The following BNC2 variants were observed in gnomAD, a reference collection of about 807,000 sequenced individuals.
The protein encoded by BNC2 is zinc finger protein basonuclin-2.
A neutral mutation model predicts 76.3 loss-of-function variants in BNC2; 20 were observed. The observed-to-expected ratio is 0.26, with a 90% CI of 0.18 to 0.38. The LOEUF (loss-of-function observed/expected upper bound fraction) is 0.38, where lower values mean the gene tolerates loss of function less well. BNC2 is among the 10% of genes least tolerant of loss of function. BNC2 has a pLI of 1.00. For missense variants in BNC2, 1,382 were observed against 1,399.8 expected, an observed-to-expected ratio of 0.99 and a Z score of 0.20; for synonymous variants, 582 against 514.8, an observed-to-expected ratio of 1.13 and a Z score of -1.77.
intron 6 of BNC2, among the ~76,000 whole-genome samples, chr9:16,422,753 C>T (rs772784862): frequency 1.3e-5 from 2 of 152,046 alleles, no homozygotes; most frequent in African/African-American, 2.4e-5. Flanking sequence ...TAGAGGGTAC[C>T]GATCCTACCC....
At chr9:16,813,600 C>G (rs1818112162) in intron 1 of BNC2, among the ~76,000 whole-genome samples, 1 of 152,108 alleles carries the variant, frequency 6.6e-6, no homozygotes. Context: ...AAAAATCTAT[C>G]CTGAACCTGA....
chr9:16,727,132 C>A (rs1039734949), intron 3 of BNC2: 1 of 152,926 alleles, frequency 6.5e-6, no homozygotes, highest in African/African-American at 2.4e-5. Flanking sequence ...GGCCGGCGGG[C>A]GGGCGGGAGA....
At chr9:16,849,246 T>G (rs1819066088) in intron 1 of BNC2, among the ~76,000 whole-genome samples, 1 of 151,764 alleles carries the variant, frequency 6.6e-6, no homozygotes, top group East Asian at 1.9e-4. Context: ...AAAAAATCTA[T>G]AAATTTTCTA....
chr9:16,759,825 A>G (rs1453688270), intron 1 of BNC2, among the ~76,000 whole-genome samples: 1 of 150,994 alleles, frequency 6.6e-6, no homozygotes, highest in African/African-American at 2.4e-5. Context: ...CCGGGTTCAC[A>G]CCATTCTCTT....
intron 3 of BNC2, chr9:16,699,147 C>CT (rs1238049472): frequency 4.3e-6 from 2 of 464,618 alleles, no homozygotes; most frequent in Non-Finnish European, 8.9e-6. Context: ...TGTCCTTTCC[C>CT]TTTGTTTTAA....
intron 1 of BNC2, among the ~76,000 whole-genome samples, chr9:16,855,738 C>T (rs1053778422): frequency 1.1e-4 from 16 of 150,772 alleles, no homozygotes; most frequent in Non-Finnish European, 8.9e-5. Context: ...TAAGTAGAGA[C>T]GGGGTTTCAC....
intron 4 of BNC2, among the ~76,000 whole-genome samples, chr9:16,564,063 A>G (rs1005847143): frequency 1.3e-5 from 2 of 152,076 alleles, no homozygotes; most frequent in Non-Finnish European, 2.9e-5. Context: ...TATTTGGGGG[A>G]AAAGGAGTGG....
chr9:16,698,978 T>G (rs2134537713), intron 3 of BNC2, among the ~76,000 whole-genome samples: 1 of 152,348 alleles, frequency 6.6e-6, no homozygotes, highest in African/African-American at 2.4e-5. Flanking sequence ...ATTTAAAAGT[T>G]TTAAAACTAT....
intron 3 of BNC2, among the ~76,000 whole-genome samples, chr9:16,693,241 A>C (rs1209802549): frequency 6.6e-6 from 1 of 151,926 alleles, no homozygotes; most frequent in African/African-American, 2.4e-5. Flanking sequence ...AATATAAGGT[A>C]ATTTTCTGAG....
intron 5 of BNC2, among the ~76,000 whole-genome samples, chr9:16,444,040 T>C (rs1821182332): frequency 6.6e-6 from 1 of 152,212 alleles, no homozygotes; most frequent in South Asian, 2.1e-4. Context: ...TAACTCAACA[T>C]GTACAGCTTT....
At chr9:16,577,086 A>G (rs1046083734) in intron 4 of BNC2, among the ~76,000 whole-genome samples, 2 of 152,164 alleles carry the variant, frequency 1.3e-5, no homozygotes, top group Non-Finnish European at 2.9e-5. Context: ...CTGATTTAGG[A>G]TTTATGCAAA....
intron 1 of BNC2, among the ~76,000 whole-genome samples, chr9:16,812,071 T>A (rs1479126778): frequency 6.6e-6 from 1 of 152,174 alleles, no homozygotes; most frequent in African/African-American, 2.4e-5. Context: ...TGCAGGGGAA[T>A]GAAGCAGGGA....
At chr9:16,468,814 G>A (rs1821752989) in intron 5 of BNC2, among the ~76,000 whole-genome samples, 1 of 152,196 alleles carries the variant, frequency 6.6e-6, no homozygotes, top group Non-Finnish European at 1.5e-5. Context: ...ACAGAAGGCA[G>A]AGGAGGTATC....
chr9:16,621,029 G>C (rs1203197238), intron 3 of BNC2, among the ~76,000 whole-genome samples: 3 of 152,194 alleles, frequency 2.0e-5, no homozygotes, highest in African/African-American at 4.8e-5. Flanking sequence ...AGCTCTTCCA[G>C]AAAACTCACC....
intron 3 of BNC2, among the ~76,000 whole-genome samples, chr9:16,652,758 G>A (rs1345880072): frequency 6.6e-6 from 1 of 152,124 alleles, no homozygotes; most frequent in Non-Finnish European, 1.5e-5. Context: ...CAGAAGTTGT[G>A]CATGCAACAA....
chr9:16,810,746 CAA>C (rs1339723563), intron 1 of BNC2, among the ~76,000 whole-genome samples: 1 of 152,142 alleles, frequency 6.6e-6, no homozygotes, highest in Non-Finnish European at 1.5e-5. Flanking sequence ...GCCAGTGATC[CAA>C]AGAGAAAAGC....
chr9:16,786,244 G>C (rs1329956382), intron 1 of BNC2, among the ~76,000 whole-genome samples: 1 of 152,164 alleles, frequency 6.6e-6, no homozygotes, highest in Non-Finnish European at 1.5e-5. Flanking sequence ...ACTAAACAAG[G>C]AGTCTTTTCA....
intron 2 of BNC2, among the ~76,000 whole-genome samples, chr9:16,731,231 A>G (rs1824495183): frequency 6.6e-6 from 1 of 152,234 alleles, no homozygotes; most frequent in South Asian, 2.1e-4. Flanking sequence ...ATTTAAAACT[A>G]GAAGGAAGAA....
chr9:16,495,925 T>A (rs1384406405), intron 5 of BNC2, among the ~76,000 whole-genome samples: 1 of 148,700 alleles, frequency 6.7e-6, no homozygotes, highest in Non-Finnish European at 1.5e-5. Flanking sequence ...TTTTTTTTTT[T>A]AAGATGGAGT....
Sources: allele counts gnomAD v4.1 joint callset (sites outside exome capture counted in the v4.1 genomes callset), GRCh38; gene constraint gnomAD v4.1.1; transcripts MANE v1.5; gene names NCBI Gene and HGNC (gene_info 2026-07-23, HGNC 2026-07-21).